Variants in NLRC3 observed in about 807,000 individuals in gnomAD.
NLRC3 encodes the protein NLR family CARD domain-containing protein 3.
A neutral mutation model predicts 91.6 loss-of-function variants in NLRC3; 87 were observed. That is an observed-to-expected ratio of 0.95 (90% CI 0.80 to 1.14). The LOEUF is 1.14. NLRC3 is among the 50% of genes most tolerant of loss of function. NLRC3 has a pLI of 0.00. For missense variants in NLRC3, 1,577 were observed against 1,418.6 expected (o/e 1.11, Z -1.79); for synonymous variants, 694 against 625.3 (o/e 1.11, Z -1.64).
chr16:3,555,934 A>G (rs934120650), intron 8 of NLRC3: 3 of 126,372 alleles, frequency 2.4e-5, no homozygotes, highest in Non-Finnish European at 5.2e-5. Flanking sequence ...AAATAAATAA[A>G]TAAATAAATA....
In NLRC3 at chr16:3,564,789, G is replaced by T; in HGVS notation, c.179-31C>A. 1 of 1,566,908 alleles carries T rather than the reference G, an allele frequency of 6.4e-7. No homozygotes were observed. The highest frequency in any genetic ancestry group is 1.7e-4 in the Middle Eastern group (1 of 5,912). On this transcript the variant is annotated intron_variant, in intron 4 of 19. Transcript: ENST00000359128. This position sits in a 1 kb window ranked among gnomAD's most constrained non-coding sequence, Gnocchi z 5.9. ...GGACAGAGGCCAGTGGGGAGGTCTGGTAAGGGAAGAGTGGGCACAATCAGC... is the reference window on the plus strand; with the variant it reads ...GGACAGAGGCCAGTGGGGAGGTCTGTTAAGGGAAGAGTGGGCACAATCAGC...
intron 6 of NLRC3, among the ~76,000 whole-genome samples, chr16:3,558,582 C>CCACA (rs3067979): frequency 0.05 from 7,456 of 147,656 alleles, 226 homozygotes; most frequent in Admixed American, 0.07. Flanking sequence ...TAAAAAAAAA[C>CCACA]CACACACACA....
At chr16:3,573,303 T>A (rs1204315177) in intron 1 of NLRC3, among the ~76,000 whole-genome samples, 2 of 151,474 alleles carry the variant, frequency 1.3e-5, no homozygotes, top group Non-Finnish European at 2.9e-5. Context: ...GGCGCATGCC[T>A]GTAATCCCAG....
Position 3,541,860 on chromosome 16 carries a change from T to C in NLRC3, c.3163A>G (p.Lys1055Glu), listed in dbSNP as rs765162331. 6.2e-7 allele frequency: 1 copy of C among 1,612,860 alleles called. No homozygotes were observed. Among genetic ancestry groups the C allele is most frequent in the Non-Finnish European group, 8.5e-7 (1 of 1,179,320 alleles). The change falls in exon 20 of 20, where the codon AAG becomes GAG. Residue 1055 changes from lysine (K) to glutamate (E), a missense_variant. Coordinates refer to ENST00000359128, the MANE Select transcript of NLRC3 (RefSeq NM_178844.4). ...ACAGTGCACGTGGGAGCATTTGTCTTGATGGCCTCTGAGATCATCCTGGCC... is the reference window on the plus strand; with the variant it reads ...ACAGTGCACGTGGGAGCATTTGTCTCGATGGCCTCTGAGATCATCCTGGCC... ...SGARMISEAIKTNAPTCTVEM is the reference protein window; with the variant it reads ...SGARMISEAIETNAPTCTVEM
chr16:3,561,925 G>T, intron 5 of NLRC3, 137 bp from the exon 6 acceptor site: 1 of 647,920 alleles, frequency 1.5e-6, no homozygotes, highest in East Asian at 2.7e-5. Flanking sequence ...CAGCCCCAGT[G>T]CTCAGACCTT....
chr16:3,576,594 G>A (rs1019191501), intron 1 of NLRC3, among the ~76,000 whole-genome samples: 9 of 152,218 alleles, frequency 5.9e-5, no homozygotes, highest in Admixed American at 5.9e-4. Context: ...GTACCTGGGG[G>A]AGCTGGGTTT....
chr16:3,548,940 G>A (rs950418582), intron 13 of NLRC3, among the ~76,000 whole-genome samples, 187 bp from the exon 14 acceptor site: 16 of 152,184 alleles, frequency 1.1e-4, no homozygotes, highest in South Asian at 4.1e-4. Context: ...AGCAGACGGC[G>A]TCACACTAGC....
rs1197710866 is a variant in NLRC3, at chr16:3,569,406, T to A, written c.-168-2082A>T. Among the ~76,000 whole-genome samples the A allele has an allele frequency of 4.2e-3, 449 of 107,264 alleles. 3 individuals carry two copies. Among genetic ancestry groups the A allele is most frequent in the Non-Finnish European group, 6.5e-3 (348 of 53,782 alleles). The allele number at this position is 107,264 out of a possible 152,430, so 70.4% of individuals were successfully genotyped here. ...TATATATATATATATTATTTTTTTT[T>A]TTTTTTTTTTTTTTTGAGGTGGAGT... is the stretch of plus-strand genomic sequence containing the variant. On this transcript the variant is annotated intron_variant, in intron 1 of 19. Coordinates refer to ENST00000359128, the MANE Select transcript of NLRC3 (RefSeq NM_178844.4).
Position 3,544,315 on chromosome 16 carries a change from G to T in NLRC3, c.2786C>A (p.Ala929Asp). 1 of 1,612,636 alleles carries T rather than the reference G, an allele frequency of 6.2e-7. No homozygotes were observed. The highest frequency in any genetic ancestry group is 8.5e-7 in the Non-Finnish European group (1 of 1,178,776). Reference sequence around the variant, plus strand: ...CGCACACGCTCCGTCATCCCCGATGGCGTTCTCCTGTAAACTAGACACAGA... The same window carrying T: ...CGCACACGCTCCGTCATCCCCGATGTCGTTCTCCTGTAAACTAGACACAGA... ...SLTSLDLQEN[A>D]IGDDGACAVA... Residue 929 changes from alanine to aspartate, a missense_variant, in exon 16 of 20, where the codon GCC becomes GAC. By Grantham distance (126) the Ala-to-Asp change is moderately radical. Transcript: ENST00000359128.
At chr16:3,576,506 C>G (rs879651545) in intron 1 of NLRC3, among the ~76,000 whole-genome samples, 8 of 152,230 alleles carry the variant, frequency 5.3e-5, no homozygotes, top group Non-Finnish European at 1.2e-4. Flanking sequence ...TGCCGATTCC[C>G]CAGGCCGTGG....
At chr16:3,543,323 A>G (rs935587302) in intron 17 of NLRC3, 102 bp downstream of exon 17, 2 of 810,052 alleles carry the variant, frequency 2.5e-6, no homozygotes, top group Non-Finnish European at 4.2e-6. Flanking sequence ...GATCACCAGG[A>G]TGATTTGTGA....
rs77463028 is a variant in NLRC3, at chr16:3,563,636, G to A, written c.1301C>T (p.Pro434Leu). The A allele has an allele frequency of 0.026, 42,639 of 1,611,050 alleles. 1,626 individuals carry two copies. Among genetic ancestry groups the A allele is most frequent in the African/African-American group, 0.12 (9,186 of 74,268 alleles). Residue 434 changes from proline to leucine, a missense_variant, in exon 5 of 20, where the codon CCG becomes CTG. By Grantham distance (98) the Pro-to-Leu change is moderately conservative (BLOSUM62 -3). Transcript: ENST00000359128. ...CTCTCTCTGCAGGAAGCAGCTGCAC[G>A]GGGCGCCCTGCAGCAGAGCGAGGTC... ...GVDLALLQGA[P>L]CSCFLQREET...
At chr16:3,577,019 T>G (rs544363537) in intron 1 of NLRC3, 130 bp downstream of exon 1, 2 of 679,640 alleles carry the variant, frequency 2.9e-6, no homozygotes, top group South Asian at 3.1e-5. Context: ...GGAGACAGCT[T>G]CTTGGAGTCT....
intron 6 of NLRC3, among the ~76,000 whole-genome samples, chr16:3,561,324 G>T (rs1481188535): frequency 1.3e-5 from 2 of 152,158 alleles, no homozygotes; most frequent in Admixed American, 6.5e-5. Context: ...TCCAGCTGGG[G>T]TGACAAAGCA....
chr16:3,565,490 A>T (rs894083138), intron 2 of NLRC3, 110 bp from the exon 3 acceptor site: 1 of 366,774 alleles, frequency 2.7e-6, no homozygotes. Context: ...AAAAAAAAAA[A>T]AAAAAAAGGC....
At chr16:3,551,373 C>T (rs2038990603) in intron 10 of NLRC3, among the ~76,000 whole-genome samples, 1 of 151,394 alleles carries the variant, frequency 6.6e-6, no homozygotes, top group Non-Finnish European at 1.5e-5. Flanking sequence ...CGTACCCATC[C>T]ACCTATCCAC....
At position 3,550,475 on chromosome 16, in the gene NLRC3, CACCAAT is replaced by C; in HGVS notation, c.2368_2373del (p.Ile790_Gly791del). 3 of 1,613,230 alleles carry C rather than the reference CACCAAT, an allele frequency of 1.9e-6. No individual in the cohort carries two copies. The highest frequency in any genetic ancestry group is 2.5e-6 in the Non-Finnish European group (3 of 1,179,188). On this transcript the variant is annotated inframe_deletion, in exon 11 of 20. Transcript: ENST00000359128. ...TCAGCCAGGGCCTTGGCACCTCCAT[CACCAAT>C]ACTATTACTGGAGAACCTGCAAGAG...
Position 3,541,894 on chromosome 16 carries a change from C to T in NLRC3, c.3129G>A (p.Gly1043=), listed in dbSNP as rs1218582751. Residue 1043 remains glycine (G), a synonymous_variant, in exon 20 of 20, where the codon GGG becomes GGA. Coordinates refer to ENST00000359128, the MANE Select transcript of NLRC3 (RefSeq NM_178844.4). Reference sequence around the variant, plus strand: ...CTGAGATCATCCTGGCCCCGGAGTCCCCAATGTGGTTTCCCTGGAGACTAG... The same window carrying T: ...CTGAGATCATCCTGGCCCCGGAGTCTCCAATGTGGTTTCCCTGGAGACTAG... ...QHINLQGNHI[G]DSGARMISEA... 6.2e-7 allele frequency: 1 copy of T among 1,610,518 alleles called. No individual in the cohort carries two copies. The highest frequency in any genetic ancestry group is 8.5e-7 in the Non-Finnish European group (1 of 1,177,742).
Position 3,540,383 on chromosome 16 carries a change from T to G in NLRC3, c.*1442A>C, listed in dbSNP as rs1423375648. On this transcript the variant is annotated 3_prime_UTR_variant, in exon 20 of 20. Coordinates refer to ENST00000359128, the MANE Select transcript of NLRC3 (RefSeq NM_178844.4). The stretch of plus-strand genomic sequence containing the variant: ...TGGTTATTTAGTTGATGAAAGCTGT[T>G]GATGTCCATTTGGATTTTTTTCCCT... 3 of 152,264 alleles carry G rather than the reference T, an allele frequency of 2.0e-5. No individual in the cohort carries two copies. Among genetic ancestry groups the G allele is most frequent in the Non-Finnish European group, 4.4e-5 (3 of 68,050 alleles). The allele number at this position is 152,264 out of a possible 1,614,324, so 9.4% of individuals were successfully genotyped here. A position where few individuals can be genotyped will look rare whatever the true frequency, so the allele number is the denominator to read the frequency against.
Sources: allele counts gnomAD v4.1 joint callset (sites outside exome capture counted in the v4.1 genomes callset), GRCh38; gene constraint gnomAD v4.1.1; non-coding constraint Gnocchi (gnomAD v3.1); transcripts MANE v1.5; gene names NCBI Gene and HGNC (gene_info 2026-07-23, HGNC 2026-07-21).